The following FASTKD2 variants were observed in gnomAD, a reference collection of about 807,000 sequenced individuals.
FASTKD2 encodes FAST kinase domains 2, also known as FAST kinase domain-containing protein 2, mitochondrial.
Under a neutral mutation model 63.6 loss-of-function variants are expected in FASTKD2, and 51 were observed. The observed-to-expected ratio is 0.80, with a 90% CI of 0.64 to 1.01. The LOEUF is 1.01. FASTKD2 is among the 50% of genes least tolerant of loss of function. The pLI is 0.00. For missense variants in FASTKD2, 786 were observed against 831.1 expected (o/e 0.95, Z 0.67); for synonymous variants, 284 against 293.4 (o/e 0.97, Z 0.33).
Position 206,786,848 on chromosome 2 carries a change from C to G in FASTKD2, c.1543C>G (p.Pro515Ala), listed in dbSNP as rs766413603. Residue 515 changes from proline (P) to alanine (A), a missense_variant, in exon 8 of 12, where the codon CCT becomes GCT. Physicochemically the swap from Pro to Ala is conservative, Grantham distance 27. Transcript: ENST00000402774. Reference protein sequence around the residue: ...FCLMNYFPLAPFNQLLQKDII... With the variant: ...FCLMNYFPLAAFNQLLQKDII... ...CTTGATGAATTACTTTCCCCTGGCT[C>G]CTTTTAATCAGCTTCTGCAAAAAGA... 1 of 1,613,054 alleles carries G rather than the reference C, an allele frequency of 6.2e-7. No homozygotes were observed. The highest frequency in any genetic ancestry group is 2.2e-5 in the East Asian group (1 of 44,800).
At chr2:206,770,315 G>A (rs962518922) in intron 3 of FASTKD2, 121 bp downstream of exon 3, 8 of 732,670 alleles carry the variant, frequency 1.1e-5, no homozygotes, top group African/African-American at 3.5e-5. Context: ...GGGAGGCTTT[G>A]TTGGTAGTTA....
chr2:206,795,445 G>C lies in FASTKD2; in HGVS notation c.*3643G>C, dbSNP rs556031435. On this transcript the variant is annotated 3_prime_UTR_variant, in exon 12 of 12. Transcript: ENST00000402774. The stretch of plus-strand genomic sequence containing the variant: ...AACAGGGTTTCACCATGTTAGCCAG[G>C]ATGGTCTCGATCTCCTGACCTTGCG... Among the ~76,000 whole-genome samples, 3 of 152,322 alleles carry C rather than the reference G, an allele frequency of 2.0e-5. No individual in the cohort carries two copies. The highest frequency in any genetic ancestry group is 7.2e-5 in the African/African-American group (3 of 41,586).
At position 206,772,326 on chromosome 2, in the gene FASTKD2, T is replaced by G. The variant is rs770720013; in HGVS notation, c.1254+6T>G. 4.3e-6 allele frequency: 7 copies of G among 1,613,214 alleles called. No individual in the cohort carries two copies. The highest frequency in any genetic ancestry group is 4.0e-5 in the African/African-American group (3 of 74,916). On this transcript the variant is annotated splice_donor_region_variant and intron_variant, in intron 6 of 11. Coordinates refer to ENST00000402774, the MANE Select transcript of FASTKD2 (RefSeq NM_001136193.2). ...ACATCTGGAAGTTCAGAAAAGTGAGTACATTAACAATTTAGAATAAGCCTC... is the reference window on the plus strand; with the variant it reads ...ACATCTGGAAGTTCAGAAAAGTGAGGACATTAACAATTTAGAATAAGCCTC...
intron 2 of FASTKD2, among the ~76,000 whole-genome samples, chr2:206,769,520 C>T (rs1001110079): frequency 2.0e-5 from 3 of 152,264 alleles, no homozygotes; most frequent in African/African-American, 4.8e-5. Flanking sequence ...AGTAAAGGGA[C>T]CTGAAAGAAG....
intron 7 of FASTKD2, 143 bp downstream of exon 7, chr2:206,774,540 T>C (rs752359313): frequency 2.3e-5 from 15 of 638,774 alleles, no homozygotes; most frequent in Non-Finnish European, 4.0e-5. Context: ...TGTTCCTTAC[T>C]CATTTATAAG....
At chr2:206,780,796 T>G (rs1689951234) in intron 7 of FASTKD2, among the ~76,000 whole-genome samples, 1 of 152,182 alleles carries the variant, frequency 6.6e-6, no homozygotes, top group Non-Finnish European at 1.5e-5. Flanking sequence ...TTAACTCTTC[T>G]TCTTTCTTTG....
At chr2:206,768,378 A>G (rs116580991) in intron 2 of FASTKD2, among the ~76,000 whole-genome samples, 1 of 152,162 alleles carries the variant, frequency 6.6e-6, no homozygotes, top group African/African-American at 2.4e-5. Context: ...AAGAGTGTAC[A>G]CTTCTGACGT....
At chr2:206,784,973 A>G (rs1690098842) in intron 7 of FASTKD2, among the ~76,000 whole-genome samples, 1 of 152,242 alleles carries the variant, frequency 6.6e-6, no homozygotes, top group Non-Finnish European at 1.5e-5. Flanking sequence ...TGATAAAGAC[A>G]TACCCGAGAC....
intron 7 of FASTKD2, among the ~76,000 whole-genome samples, chr2:206,777,047 A>G (rs1689842156): frequency 6.6e-6 from 1 of 152,026 alleles, no homozygotes; most frequent in African/African-American, 2.4e-5. Context: ...ATGCTTTTTG[A>G]TACTATTATA....
At chr2:206,784,209 C>CATTTATGAGA (rs1408519581) in intron 7 of FASTKD2, among the ~76,000 whole-genome samples, 1 of 152,192 alleles carries the variant, frequency 6.6e-6, no homozygotes, top group Non-Finnish European at 1.5e-5. Flanking sequence ...CTTCCTAGAC[C>CATTTATGAGA]ATTTATGAGA....
chr2:206,789,170 A>G (rs1234350069), intron 10 of FASTKD2: 2 of 397,918 alleles, frequency 5.0e-6, no homozygotes, highest in South Asian at 2.9e-5. Flanking sequence ...CAATAAAACA[A>G]TATTAATATA....
chr2:206,774,309 G>C lies in FASTKD2; in HGVS notation c.1339G>C (p.Asp447His). 6.2e-7 allele frequency: 1 copy of C among 1,603,674 alleles called. No individual in the cohort carries two copies. Among genetic ancestry groups the C allele is most frequent in the South Asian group, 1.1e-5 (1 of 90,700 alleles). ...CCTGTTTATGAAGAGAATAGTAGAG[G>C]ATCCTGAATCCCTAAACATGAAAAA... ...MDLFMKRIVE[D>H]PESLNMKNIL... Residue 447 changes from aspartate to histidine, a missense_variant, in exon 7 of 12, where the codon GAT becomes CAT. Coordinates refer to ENST00000402774, the MANE Select transcript of FASTKD2 (RefSeq NM_001136193.2).
chr2:206,767,188 C>G lies in FASTKD2; in HGVS notation c.495C>G (p.Ser165=). The change falls in exon 2 of 12, where the codon TCC becomes TCG. Residue 165 remains serine, a synonymous_variant. Transcript: ENST00000402774. The stretch of plus-strand genomic sequence containing the variant: ...GAAAACTGTCTGAGGAATGTAATTC[C>G]CTGAGTGATGTGTTAGATGCATTTT... ...SSRKLSEECN[S]LSDVLDAFSK... The G allele has an allele frequency of 1.2e-6, 2 of 1,614,146 alleles. No individual in the cohort carries two copies. Among genetic ancestry groups the G allele is most frequent in the Non-Finnish European group, 8.5e-7 (1 of 1,180,016 alleles).
In FASTKD2 at chr2:206,765,626, T is replaced by C. The variant is rs959359971; in HGVS notation, c.-172T>C. ...TCGGGGAAGCTGTCATGGCTGCTCC[T>C]GTACGTAGTCACGGTCTTGTGCTCT... is the stretch of plus-strand genomic sequence containing the variant. On this transcript the variant is annotated 5_prime_UTR_variant, in exon 1 of 12. Coordinates refer to ENST00000402774, the MANE Select transcript of FASTKD2 (RefSeq NM_001136193.2). The C allele has an allele frequency of 4.6e-5, 35 of 762,968 alleles. No individual in the cohort carries two copies. In the East Asian group the frequency reaches 6.5e-4, roughly 14 times the overall value. The allele number at this position is 762,968 out of a possible 1,614,324, so 47.3% of individuals were successfully genotyped here.
intron 8 of FASTKD2, 62 bp downstream of exon 8, chr2:206,786,961 C>T (rs1690154211): frequency 1.0e-6 from 1 of 993,548 alleles, no homozygotes; most frequent in Non-Finnish European, 1.6e-6. Flanking sequence ...CACTAGCTAC[C>T]ATATGACTCT....
intron 7 of FASTKD2, among the ~76,000 whole-genome samples, chr2:206,781,304 ATTTTTTTTTTTTTTTTTT>A (rs71034473): frequency 2.6e-5 from 2 of 75,938 alleles, no homozygotes; most frequent in Admixed American, 1.9e-4. Context: ...TTTTTCTATG[ATTTTTTTTTTTTTTTTTT>A]TTTTTTTTTG....
intron 7 of FASTKD2, among the ~76,000 whole-genome samples, chr2:206,785,397 G>A (rs1690113609): frequency 6.6e-6 from 1 of 152,148 alleles, no homozygotes; most frequent in Non-Finnish European, 1.5e-5. Context: ...GTTGGTATCT[G>A]AGCTGATCTT....
At position 206,772,402 on chromosome 2, in the gene FASTKD2, A is replaced by G; in HGVS notation, c.1254+82A>G. The stretch of plus-strand genomic sequence containing the variant: ...GTAGCATTTTAAGTATTTCTCTTTC[A>G]CCTTTATAGTAGTTAAGATACCAAA... On this transcript the variant is annotated intron_variant, in intron 6 of 11. Coordinates refer to ENST00000402774, the MANE Select transcript of FASTKD2 (RefSeq NM_001136193.2). 3 of 1,362,410 alleles carry G rather than the reference A, an allele frequency of 2.2e-6. No homozygotes were observed. In the East Asian group the frequency reaches 7.1e-5, roughly 32 times the overall value. 84.4% of individuals were successfully genotyped at this position (1,362,410 alleles called of 1,614,324 possible). A position where few individuals can be genotyped will look rare whatever the true frequency, so the allele number is the denominator to read the frequency against.
chr2:206,791,343 A>G, intron 11 of FASTKD2: 1 of 283,552 alleles, frequency 3.5e-6, no homozygotes, highest in Non-Finnish European at 6.7e-6. Flanking sequence ...TTACGTGTGG[A>G]CTATTGAGAT....
Sources: allele counts gnomAD v4.1 joint callset (sites outside exome capture counted in the v4.1 genomes callset), GRCh38; gene constraint gnomAD v4.1.1; transcripts MANE v1.5; gene names NCBI Gene and HGNC (gene_info 2026-07-23, HGNC 2026-07-21).